The following COP1 variants were observed in gnomAD, a reference collection of about 807,000 sequenced individuals.
COP1 encodes E3 ubiquitin-protein ligase COP1.
In COP1, 24 loss-of-function variants were observed where a neutral mutation model predicts 101.3. That is an observed-to-expected ratio of 0.24 (90% CI 0.17 to 0.33). The LOEUF (loss-of-function observed/expected upper bound fraction) is 0.33, where lower values mean the gene tolerates loss of function less well. Among genes scored for constraint, COP1 ranks in the 10% least tolerant of loss-of-function variants. The pLI is 1.00. For synonymous variants in COP1, 347 were observed against 341.9 expected (o/e 1.01, Z -0.17); for missense variants, 663 against 906.2 (o/e 0.73, Z 3.45).
intron 15 of COP1, among the ~76,000 whole-genome samples, chr1:176,015,159 C>G (rs1254971300): frequency 2.0e-5 from 3 of 152,060 alleles, no homozygotes; most frequent in Non-Finnish European, 4.4e-5. Flanking sequence ...ACAGTGAGAG[C>G]AGCATGAAAT....
At chr1:176,140,881 A>G (rs1690571693) in intron 6 of COP1, among the ~76,000 whole-genome samples, 4 of 152,216 alleles carry the variant, frequency 2.6e-5, no homozygotes, top group Admixed American at 1.3e-4. Context: ...ATGGGACTAA[A>G]GAATCAATAG....
chr1:176,116,755 T>G, intron 8 of COP1, 74 bp from the exon 9 acceptor site: 1 of 1,021,026 alleles, frequency 9.8e-7, no homozygotes, highest in African/African-American at 1.6e-5. Flanking sequence ...AAATCTAAAG[T>G]ATATCATATA....
intron 1 of COP1, among the ~76,000 whole-genome samples, chr1:176,187,408 T>C (rs1698610842): frequency 6.8e-6 from 1 of 146,754 alleles, no homozygotes; most frequent in African/African-American, 2.5e-5. Context: ...TATACGTGTG[T>C]GTGTGTGTGT....
chr1:176,013,224 T>C (rs962999123), intron 15 of COP1, among the ~76,000 whole-genome samples: 9 of 152,134 alleles, frequency 5.9e-5, no homozygotes, highest in Admixed American at 5.2e-4. Flanking sequence ...GTTGGCTAAA[T>C]CAGCAGATGC....
intron 18 of COP1, among the ~76,000 whole-genome samples, chr1:175,974,698 C>T (rs904830299): frequency 4.6e-5 from 7 of 151,882 alleles, no homozygotes; most frequent in Non-Finnish European, 1.0e-4. Context: ...AAATAAAAAA[C>T]GCTTTTGATG....
intron 9 of COP1, among the ~76,000 whole-genome samples, chr1:176,091,492 C>T (rs536859873): frequency 3.9e-4 from 59 of 152,012 alleles, no homozygotes; most frequent in Admixed American, 8.5e-4. Context: ...TACTATTAAT[C>T]GTCATATCTA....
intron 5 of COP1, among the ~76,000 whole-genome samples, chr1:176,151,301 AGAAAG>A (rs1256592182): frequency 2.0e-5 from 3 of 150,630 alleles, no homozygotes; most frequent in Non-Finnish European, 4.4e-5. Flanking sequence ...AGAGAAAGAA[AGAAAG>A]GAGAGAAAGA....
intron 9 of COP1, among the ~76,000 whole-genome samples, chr1:176,102,602 T>G (rs902522271): frequency 7.9e-5 from 12 of 152,176 alleles, no homozygotes; most frequent in African/African-American, 2.7e-4. Context: ...TTAAAAAACA[T>G]GAAAACAGCC....
At position 176,103,412 on chromosome 1, in the gene COP1, G is replaced by A. The variant is rs144633889; in HGVS notation, c.1026+13212C>T. ...AAGCTCCTAAACAATAAGATTGAAT[G>A]AGTTTCCAGGTTGGTGAACACACTG... is the stretch of plus-strand genomic sequence containing the variant. On this transcript the variant is annotated intron_variant, in intron 9 of 19. Transcript: ENST00000367669. 2.6e-3 allele frequency among the ~76,000 whole-genome samples: 400 copies of A among 152,334 alleles called. 3 individuals are homozygous for A. Among genetic ancestry groups the A allele is most frequent in the African/African-American group, 9.2e-3 (381 of 41,580 alleles).
In COP1 at chr1:175,994,038, G is replaced by T. The variant is rs4298691; in HGVS notation, c.1730-4559C>A. ...AAAGGGAAGCCCATCAGACTAAGAGGGGATCTCTGGGCAGAAACTCTACAA... is the reference window on the plus strand; with the variant it reads ...AAAGGGAAGCCCATCAGACTAAGAGTGGATCTCTGGGCAGAAACTCTACAA... On this transcript the variant is annotated intron_variant, in intron 15 of 19. Coordinates refer to ENST00000367669, the MANE Select transcript of COP1 (RefSeq NM_022457.7). 2.6e-3 allele frequency among the ~76,000 whole-genome samples: 390 copies of T among 152,282 alleles called. 3 individuals are homozygous for T. The highest frequency in any genetic ancestry group is 9.0e-3 in the African/African-American group (372 of 41,520).
chr1:176,145,504 A>C (rs1356511665), intron 6 of COP1, among the ~76,000 whole-genome samples: 1 of 152,170 alleles, frequency 6.6e-6, no homozygotes, highest in African/African-American at 2.4e-5. Context: ...TCCACTTCTA[A>C]ATACATTCCA....
intron 11 of COP1, among the ~76,000 whole-genome samples, chr1:176,058,469 T>A (rs1285326282): frequency 2.0e-5 from 3 of 152,154 alleles, no homozygotes. Context: ...CCCAACCCTG[T>A]GCTCTCTGAA....
intron 2 of COP1, among the ~76,000 whole-genome samples, chr1:176,176,957 A>G (rs150898659): frequency 5.1e-4 from 78 of 152,350 alleles, no homozygotes; most frequent in African/African-American, 1.7e-3. Context: ...AGGTTTTTAC[A>G]TACCCTTTTG....
intron 11 of COP1, among the ~76,000 whole-genome samples, chr1:176,075,139 C>T (rs1309596653): frequency 6.6e-6 from 1 of 152,136 alleles, no homozygotes; most frequent in African/African-American, 2.4e-5. Context: ...ACTACGTTAT[C>T]AATGATTTTT....
intron 15 of COP1, among the ~76,000 whole-genome samples, chr1:175,999,504 T>G (rs911801073): frequency 1.2e-4 from 18 of 152,138 alleles, no homozygotes; most frequent in African/African-American, 3.9e-4. Flanking sequence ...CCTTATTCAT[T>G]CATCTGTTGA....
intron 8 of COP1, chr1:176,133,851 T>C (rs1176137679): frequency 2.2e-6 from 1 of 455,024 alleles, no homozygotes; most frequent in African/African-American, 2.0e-5. Flanking sequence ...ACTTACATAA[T>C]AAGTATTCCA....
chr1:176,205,377 ACAT>A (rs1700725547), intron 1 of COP1, among the ~76,000 whole-genome samples: 1 of 152,210 alleles, frequency 6.6e-6, no homozygotes, highest in Admixed American at 6.5e-5. Flanking sequence ...GTGAATAAAG[ACAT>A]CATTTTTCTG....
At chr1:176,106,693 G>C (rs1346072778) in intron 9 of COP1, among the ~76,000 whole-genome samples, 1 of 152,108 alleles carries the variant, frequency 6.6e-6, no homozygotes, top group East Asian at 1.9e-4. Flanking sequence ...CTGGCTCATT[G>C]GCTTCCCCCA....
At chr1:176,156,311 A>G (rs538597268) in intron 5 of COP1, among the ~76,000 whole-genome samples, 7 of 152,260 alleles carry the variant, frequency 4.6e-5, no homozygotes, top group Non-Finnish European at 8.8e-5. Flanking sequence ...TACATGAAAA[A>G]TAGAGAAGAT....
Sources: gnomAD v4.1 joint callset for allele counts (sites outside exome capture counted in the v4.1 genomes callset) on GRCh38, gnomAD v4.1.1 for gene constraint, MANE v1.5 for transcripts, NCBI Gene and HGNC (gene_info 2026-07-23, HGNC 2026-07-21) for gene names.